The following ABHD12B variants were observed in gnomAD, a reference collection of about 807,000 sequenced individuals.
The protein encoded by ABHD12B is protein ABHD12B.
A neutral mutation model predicts 50.4 loss-of-function variants in ABHD12B; 42 were observed. That is an observed-to-expected ratio of 0.83 (90% CI 0.65 to 1.08). The LOEUF is 1.08. ABHD12B is among the 50% of genes least tolerant of loss of function. The pLI is 0.00. For synonymous variants in ABHD12B, 167 were observed against 160.3 expected, an observed-to-expected ratio of 1.04 and a Z score of -0.32; for missense variants, 479 against 447.7, an observed-to-expected ratio of 1.07 and a Z score of -0.63.
intron 1 of ABHD12B, among the ~76,000 whole-genome samples, chr14:50,873,920 G>C (rs143964619): frequency 6.6e-6 from 1 of 152,324 alleles, no homozygotes; most frequent in East Asian, 1.9e-4. Context: ...AAAGTCTCAA[G>C]AGACACTTCC....
intron 11 of ABHD12B, among the ~76,000 whole-genome samples, chr14:50,903,691 T>C (rs1176227828): frequency 2.0e-5 from 3 of 152,192 alleles, no homozygotes; most frequent in African/African-American, 7.2e-5. Flanking sequence ...ATCTGGATTG[T>C]GTGGAGCTGC....
intron 9 of ABHD12B, among the ~76,000 whole-genome samples, chr14:50,897,177 A>G (rs2050210549): frequency 6.7e-6 from 1 of 148,948 alleles, no homozygotes; most frequent in Non-Finnish European, 1.5e-5. Flanking sequence ...AGTTCAAGCT[A>G]TTCTCCTGCC....
intron 2 of ABHD12B, 145 bp from the exon 3 acceptor site, chr14:50,878,600 A>G (rs1422254343): frequency 6.0e-6 from 4 of 669,404 alleles, no homozygotes; most frequent in Non-Finnish European, 1.0e-5. Flanking sequence ...CCTAGCTGAT[A>G]AAATAAAATA....
intron 9 of ABHD12B, among the ~76,000 whole-genome samples, chr14:50,889,870 G>A (rs570062046): frequency 6.6e-6 from 1 of 152,206 alleles, no homozygotes; most frequent in South Asian, 2.1e-4. Flanking sequence ...ACAACTTTAG[G>A]AATTTTTTTG....
intron 5 of ABHD12B, 30 bp downstream of exon 5, chr14:50,881,656 T>C (rs1211273026): frequency 6.2e-7 from 1 of 1,610,600 alleles, no homozygotes; most frequent in Non-Finnish European, 8.5e-7. Context: ...AAAGCACCCA[T>C]TTCATAAGTC....
At chr14:50,903,244 A>G in intron 10 of ABHD12B, 145 bp from the exon 11 acceptor site, 1 of 533,312 alleles carries the variant, frequency 1.9e-6, no homozygotes. Flanking sequence ...TTTTAAATGT[A>G]TGATATTGTT....
intron 5 of ABHD12B, among the ~76,000 whole-genome samples, chr14:50,883,091 G>C (rs2049982258): frequency 6.6e-6 from 1 of 152,124 alleles, no homozygotes. Context: ...GGTTTGTTGG[G>C]ACAGCCCCTG....
chr14:50,894,563 G>A (rs61647645), intron 9 of ABHD12B, among the ~76,000 whole-genome samples: 3 of 151,988 alleles, frequency 2.0e-5, no homozygotes, highest in Non-Finnish European at 2.9e-5. Flanking sequence ...CTGCAATGCC[G>A]CTTGACCCCA....
chr14:50,880,911 G>A (rs992378162), intron 4 of ABHD12B, among the ~76,000 whole-genome samples: 1 of 152,154 alleles, frequency 6.6e-6, no homozygotes, highest in Non-Finnish European at 1.5e-5. Context: ...CACGCATTAT[G>A]GGGGAAAGGA....
At position 50,901,861 on chromosome 14, in the gene ABHD12B, A is replaced by T; in HGVS notation, c.813A>T (p.Thr271=). The change falls in exon 10 of 13, where the codon ACA becomes ACT. Residue 271 remains threonine (T), a synonymous_variant. Transcript: ENST00000337334. ...IYRNIPGFLR[T]LMDALRKDKI... Reference sequence around the variant, plus strand: ...GGAACATTCCAGGATTTTTACGTACACTTATGGATGCCCTGAGAAAAGACA... The same window carrying T: ...GGAACATTCCAGGATTTTTACGTACTCTTATGGATGCCCTGAGAAAAGACA... 3 of 1,592,742 alleles carry T rather than the reference A, an allele frequency of 1.9e-6. No homozygotes were observed. The highest frequency in any genetic ancestry group is 2.6e-6 in the Non-Finnish European group (3 of 1,174,458).
At chr14:50,888,264 C>T (rs61984970) in intron 8 of ABHD12B, among the ~76,000 whole-genome samples, 14 of 148,162 alleles carry the variant, frequency 9.4e-5, no homozygotes, top group Admixed American at 4.1e-4. Context: ...AGTGCAGTGG[C>T]GCAATCTCGG....
At chr14:50,903,331 A>G (rs376711431) in intron 10 of ABHD12B, 58 bp from the exon 11 acceptor site, 279 of 1,343,430 alleles carry the variant, frequency 2.1e-4, no homozygotes, top group Non-Finnish European at 2.9e-4. Context: ...AACTTAGAAG[A>G]GGAGAAATCT....
chr14:50,904,566 A>G lies in ABHD12B; in HGVS notation c.*200A>G. 1.5e-6 allele frequency: 1 copy of G among 662,554 alleles called. No homozygotes were observed. The allele number at this position is 662,554 out of a possible 1,614,324, so 41.0% of individuals were successfully genotyped here. On this transcript the variant is annotated 3_prime_UTR_variant, in exon 13 of 13. Coordinates refer to ENST00000337334, the MANE Select transcript of ABHD12B (RefSeq NM_001206673.2). ...GTTCTTATTTAGCTTATCATAATCTACTTTGTAAAACATGCTGAAACCTCA... is the reference window on the plus strand; with the variant it reads ...GTTCTTATTTAGCTTATCATAATCTGCTTTGTAAAACATGCTGAAACCTCA...
At chr14:50,896,151 A>G (rs1315776498) in intron 9 of ABHD12B, among the ~76,000 whole-genome samples, 4 of 151,384 alleles carry the variant, frequency 2.6e-5, no homozygotes, top group East Asian at 3.9e-4. Flanking sequence ...CCCTTACCCC[A>G]CTCAACGCCA....
intron 9 of ABHD12B, among the ~76,000 whole-genome samples, chr14:50,899,458 G>T (rs371691814): frequency 4.6e-5 from 7 of 152,276 alleles, no homozygotes; most frequent in East Asian, 1.9e-4. Context: ...TTATAGCCAT[G>T]GGGCAAGTTT....
chr14:50,879,520 C>T (rs553178180), intron 3 of ABHD12B, among the ~76,000 whole-genome samples: 1 of 152,286 alleles, frequency 6.6e-6, no homozygotes, highest in East Asian at 1.9e-4. Context: ...CAATGCTAAC[C>T]TTAACATTTC....
intron 3 of ABHD12B, among the ~76,000 whole-genome samples, chr14:50,879,051 C>A (rs2049902174): frequency 6.6e-6 from 1 of 152,162 alleles, no homozygotes; most frequent in Non-Finnish European, 1.5e-5. Flanking sequence ...TTAGGTGTTG[C>A]CCTTGGCTTC....
At chr14:50,898,825 A>G (rs1312886881) in intron 9 of ABHD12B, among the ~76,000 whole-genome samples, 1 of 152,232 alleles carries the variant, frequency 6.6e-6, no homozygotes, top group Admixed American at 6.5e-5. Flanking sequence ...CAGGAAGTCC[A>G]GAGCACACCT....
chr14:50,875,902 G>A (rs538228745), intron 1 of ABHD12B, among the ~76,000 whole-genome samples: 19 of 152,034 alleles, frequency 1.2e-4, no homozygotes, highest in Non-Finnish European at 2.5e-4. Context: ...ATAGCTTAGC[G>A]GGAGACTACC....
Sources: allele counts gnomAD v4.1 joint callset (sites outside exome capture counted in the v4.1 genomes callset), GRCh38; gene constraint gnomAD v4.1.1; transcripts MANE v1.5; gene names NCBI Gene and HGNC (gene_info 2026-07-23, HGNC 2026-07-21).